Variants in CARS1 observed in about 807,000 individuals in gnomAD.
CARS1 encodes cysteinyl-tRNA synthetase 1.
In CARS1, 48 loss-of-function variants were observed where a neutral mutation model predicts 106.2. The observed-to-expected ratio is 0.45, with a 90% CI of 0.36 to 0.57. The LOEUF is 0.57. Ranked by LOEUF, CARS1 falls within the 20% of genes least tolerant of loss-of-function variation. The pLI is 0.00. For synonymous variants in CARS1, 409 were observed against 403.4 expected (o/e 1.01, Z -0.17); for missense variants, 968 against 1,057.2 (o/e 0.92, Z 1.17).
chr11:3,053,445 G>A lies in CARS1; in HGVS notation c.25+3898C>T, dbSNP rs1855892260. Among the ~76,000 whole-genome samples the A allele has an allele frequency of 6.6e-6, 1 of 152,066 alleles. No individual in the cohort carries two copies. Among genetic ancestry groups the A allele is most frequent in the African/African-American group, 2.4e-5 (1 of 41,402 alleles). On this transcript the variant is annotated intron_variant, in intron 1 of 22. Coordinates refer to ENST00000380525, the MANE Select transcript of CARS1 (RefSeq NM_001014437.3). The surrounding 1 kb of genome is among the most constrained non-coding windows in gnomAD (Gnocchi z 6.6). Reference sequence around the variant, plus strand: ...GGGGTTTCTACATATTGGCCAGGCTGGTCTAGAACTCCTGACCTCAGGTGA... The same window carrying A: ...GGGGTTTCTACATATTGGCCAGGCTAGTCTAGAACTCCTGACCTCAGGTGA...
chr11:3,009,209 G>A (rs1276832063), intron 18 of CARS1: 1 of 152,218 alleles, frequency 6.6e-6, no homozygotes, highest in Non-Finnish European at 1.5e-5. Flanking sequence ...TTCTTCCATG[G>A]AAGAATAGAC....
rs1046175095 is a variant in CARS1 at position 3,053,324 on chromosome 11, G to C, written c.25+4019C>G. Among the ~76,000 whole-genome samples, 2 of 152,008 alleles carry C rather than the reference G, an allele frequency of 1.3e-5. No individual in the cohort carries two copies. The highest frequency in any genetic ancestry group is 4.8e-5 in the African/African-American group (2 of 41,374). ...CGGCTCACTGCAAACTCTGCCTCCC[G>C]GGTTCAAGCGATTCTCCTGCCTCAG... On this transcript the variant is annotated intron_variant, in intron 1 of 22. Coordinates refer to ENST00000380525, the MANE Select transcript of CARS1 (RefSeq NM_001014437.3). The surrounding 1 kb of genome is among the most constrained non-coding windows in gnomAD (Gnocchi z 6.6).
intron 1 of CARS1, among the ~76,000 whole-genome samples, chr11:3,051,811 G>C (rs559472269): frequency 2.0e-5 from 3 of 152,264 alleles, no homozygotes; most frequent in Non-Finnish European, 4.4e-5. Context: ...CCTGAGCCTT[G>C]GTCTTCTGCA....
rs778341494 is a variant in CARS1, at chr11:3,006,851, T to G, written c.2149+28A>C. ...ACACCTCTCCAAGCTCCTGGTAACT[T>G]TGTAGCAAACAGCAAGGGCTCACCC... On this transcript the variant is annotated intron_variant, in intron 19 of 22. Transcript: ENST00000380525. 8.8e-6 allele frequency: 14 copies of G among 1,589,946 alleles called. No homozygotes were observed. In the Admixed American group the frequency reaches 2.2e-4, roughly 25 times the overall value.
intron 18 of CARS1, chr11:3,007,190 T>C (rs1387053569): frequency 3.5e-6 from 2 of 578,782 alleles, no homozygotes; most frequent in Admixed American, 6.1e-5. Context: ...GTGTCTCCCG[T>C]AAGCCCAGGG....
In CARS1 at chr11:3,036,712, T is replaced by C. The variant is rs141647014; in HGVS notation, c.801+1338A>G. 4.1e-3 allele frequency among the ~76,000 whole-genome samples: 627 copies of C among 152,252 alleles called. 3 individuals are homozygous for C. The highest frequency in any genetic ancestry group is 6.8e-3 in the Non-Finnish European group (461 of 68,028). ...AAGTGAAAGCAGGAACCCAAACAGA[T>C]ATTTGTACACCCAGGTTTATAGCAG... On this transcript the variant is annotated intron_variant, in intron 7 of 22. Coordinates refer to ENST00000380525, the MANE Select transcript of CARS1 (RefSeq NM_001014437.3).
chr11:3,015,755 A>G, intron 17 of CARS1, 26 bp downstream of exon 17: 1 of 1,607,958 alleles, frequency 6.2e-7, no homozygotes, highest in Non-Finnish European at 8.5e-7. Flanking sequence ...GCAGGTGCAG[A>G]AGGCAGGACC....
chr11:3,026,653 G>T, intron 10 of CARS1, 23 bp downstream of exon 10: 1 of 1,611,936 alleles, frequency 6.2e-7, no homozygotes, highest in Middle Eastern at 1.9e-4. Flanking sequence ...GAGCCCACAT[G>T]CTCTCAGGCA....
rs369615604 is a variant in CARS1 at position 3,043,997 on chromosome 11, G to A, written c.275-1741C>T. Among the ~76,000 whole-genome samples the A allele has an allele frequency of 2.2e-4, 34 of 152,244 alleles. No individual in the cohort carries two copies. Among genetic ancestry groups the A allele is most frequent in the African/African-American group, 5.8e-4 (24 of 41,538 alleles). On this transcript the variant is annotated intron_variant, in intron 2 of 22. Transcript: ENST00000380525. The surrounding 1 kb of genome is among the most constrained non-coding windows in gnomAD (Gnocchi z 4.0). ...TGCTTATTGAGGCCAAGTGCAGCTCGGCCTCAGTGTACTTTAAATGCCTCA... is the reference window on the plus strand; with the variant it reads ...TGCTTATTGAGGCCAAGTGCAGCTCAGCCTCAGTGTACTTTAAATGCCTCA...
At chr11:3,036,777 T>C (rs1853694139) in intron 7 of CARS1, among the ~76,000 whole-genome samples, 1 of 152,156 alleles carries the variant, frequency 6.6e-6, no homozygotes, top group South Asian at 2.1e-4. Context: ...AACCCACGTG[T>C]CCACGGGCAG....
Position 3,008,162 on chromosome 11 carries a change from CCCCCACCATCCCA to C in CARS1, c.2069-1216_2069-1204del, listed in dbSNP as rs1850084082. 6.6e-6 allele frequency: 1 copy of C among 152,330 alleles called. No homozygotes were observed. The highest frequency in any genetic ancestry group is 2.4e-5 in the African/African-American group (1 of 41,452). 9.4% of individuals were successfully genotyped at this position (152,330 alleles called of 1,614,324 possible). A position where few individuals can be genotyped will look rare whatever the true frequency, so the allele number is the denominator to read the frequency against. On this transcript the variant is annotated intron_variant, in intron 18 of 22. Coordinates refer to ENST00000380525, the MANE Select transcript of CARS1 (RefSeq NM_001014437.3). The surrounding 1 kb of genome is among the most constrained non-coding windows in gnomAD (Gnocchi z 5.1). ...TGCCCTGCCCCCCAGCCTGCTGGGA[CCCCCACCATCCCA>C]CCCCATCCTCCTGCCTGCCCTGCCT...
intron 16 of CARS1, 56 bp from the exon 17 acceptor site, chr11:3,015,905 G>A: frequency 1.4e-6 from 2 of 1,444,378 alleles, no homozygotes; most frequent in Non-Finnish European, 1.9e-6. Context: ...GCGGCATGTG[G>A]CGAGCAGCTG....
In CARS1 at chr11:3,017,121, G is replaced by A; in HGVS notation, c.1902C>T (p.Leu634=). 1 of 1,613,638 alleles carries A rather than the reference G, an allele frequency of 6.2e-7. No individual in the cohort carries two copies. Among genetic ancestry groups the A allele is most frequent in the East Asian group, 2.2e-5 (1 of 44,860 alleles). ...QALLENIALY[L]THMLKIFGAV... is the part of the protein sequence containing the mutation. The stretch of plus-strand genomic sequence containing the variant: ...CCTGGCTTACCTTCAGCATATGGGT[G>A]AGGTACAGGGCGATGTTCTCCAGCA... The change falls in exon 16 of 23, where the codon CTC becomes CTT. Residue 634 remains leucine, a synonymous_variant. Transcript: ENST00000380525. This position sits in a 1 kb window ranked among gnomAD's most constrained non-coding sequence, Gnocchi z 4.9.
intron 9 of CARS1, 28 bp from the exon 10 acceptor site, chr11:3,026,825 G>T (rs759712438): frequency 6.2e-7 from 1 of 1,601,224 alleles, no homozygotes; most frequent in East Asian, 2.2e-5. Flanking sequence ...AATTGGGTGG[G>T]TGCATCTAAC....
chr11:3,015,699 G>T (rs1850917621), intron 17 of CARS1, 82 bp downstream of exon 17: 3 of 1,215,192 alleles, frequency 2.5e-6, no homozygotes, highest in African/African-American at 1.5e-5. Flanking sequence ...GCAGACAGAG[G>T]AGGGGCAGTT....
At position 3,020,274 on chromosome 11, in the gene CARS1, G is replaced by A; in HGVS notation, c.1212C>T (p.Ala404=). 1 of 1,614,122 alleles carries A rather than the reference G, an allele frequency of 6.2e-7. No homozygotes were observed. Among genetic ancestry groups the A allele is most frequent in the East Asian group, 2.2e-5 (1 of 44,880 alleles). ...LSEKRSPNDF[A]LWKASKPGEP... is the part of the protein sequence containing the mutation. ...CTCCGGGCTTAGAGGCCTTCCATAA[G>A]GCAAAGTCGTTGGGAGAGCGCTTCT... is the stretch of plus-strand genomic sequence containing the variant. Residue 404 remains alanine, a synonymous_variant, in exon 11 of 23, where the codon GCC becomes GCT. Coordinates refer to ENST00000380525, the MANE Select transcript of CARS1 (RefSeq NM_001014437.3). The surrounding 1 kb of genome is among the most constrained non-coding windows in gnomAD (Gnocchi z 4.6).
chr11:3,047,637 G>T, intron 2 of CARS1, 116 bp downstream of exon 2: 1 of 1,375,980 alleles, frequency 7.3e-7, no homozygotes, highest in Non-Finnish European at 9.9e-7. Flanking sequence ...AGACACACTT[G>T]GGCGAGGCTC....
Position 3,008,509 on chromosome 11 carries a change from C to A in CARS1, c.2069-1550G>T, listed in dbSNP as rs964566230. ...TGGCATGTGCCTGTAATCCCAGCTA[C>A]TTGGGACGCTGAGGCAGAAGAATCG... On this transcript the variant is annotated intron_variant, in intron 18 of 22. Coordinates refer to ENST00000380525, the MANE Select transcript of CARS1 (RefSeq NM_001014437.3). The surrounding 1 kb of genome is among the most constrained non-coding windows in gnomAD (Gnocchi z 5.1). 1 of 151,604 alleles carries A rather than the reference C, an allele frequency of 6.6e-6. No individual in the cohort carries two copies. The highest frequency in any genetic ancestry group is 2.4e-5 in the African/African-American group (1 of 41,158). The allele number at this position is 151,604 out of a possible 1,614,324, so 9.4% of individuals were successfully genotyped here.
Position 3,039,103 on chromosome 11 carries a change from G to T in CARS1, c.651+91C>A. On this transcript the variant is annotated intron_variant, in intron 6 of 22. Coordinates refer to ENST00000380525, the MANE Select transcript of CARS1 (RefSeq NM_001014437.3). The surrounding 1 kb of genome is among the most constrained non-coding windows in gnomAD (Gnocchi z 5.6). ...ACATACACTTTGTGAAAGCCTGTGAGACTGACACTACCCTAGGGACAGTAG... is the reference window on the plus strand; with the variant it reads ...ACATACACTTTGTGAAAGCCTGTGATACTGACACTACCCTAGGGACAGTAG... 1.3e-6 allele frequency: 1 copy of T among 797,346 alleles called. No homozygotes were observed. The allele number at this position is 797,346 out of a possible 1,614,324, so 49.4% of individuals were successfully genotyped here.
Sources: allele counts gnomAD v4.1 joint callset (sites outside exome capture counted in the v4.1 genomes callset), GRCh38; gene constraint gnomAD v4.1.1; non-coding constraint Gnocchi (gnomAD v3.1); transcripts MANE v1.5; gene names NCBI Gene and HGNC (gene_info 2026-07-23, HGNC 2026-07-21).